CHD9: variants seen among roughly 807,000 people sequenced by gnomAD.
CHD9 encodes the protein ATP-dependent chromatin remodeler CHD9.
Under a neutral mutation model 316.1 loss-of-function variants are expected in CHD9, and 77 were observed. The ratio of observed to expected loss-of-function variants is 0.24; its 90% CI spans 0.20 to 0.29. The LOEUF (loss-of-function observed/expected upper bound fraction) is 0.29. CHD9 is among the 10% of genes least tolerant of loss of function. The probability of loss-of-function intolerance (pLI) is 1.00; values close to 1 mark genes in which losing one functional copy is unlikely to be tolerated. For synonymous variants in CHD9, 1,129 were observed against 1,158.3 expected (o/e 0.97, Z 0.51); for missense variants, 2,763 against 3,438.1 (o/e 0.80, Z 4.91).
At position 53,303,624 on chromosome 16, in the gene CHD9, G is replaced by T. The variant is rs963591951; in HGVS notation, c.5714-96G>T. On this transcript the variant is annotated intron_variant, in intron 30 of 38. Transcript: ENST00000447540. ...TGCATGGAGGCACATTTTAGAAATG[G>T]TATTGTTATAAATATATAAAGATGT... The T allele has an allele frequency of 7.9e-6, 7 of 881,968 alleles. No homozygotes were observed. In the African/African-American group the frequency reaches 1.2e-4, roughly 15 times the overall value. The allele number at this position is 881,968 out of a possible 1,614,324, so 54.6% of individuals were successfully genotyped here. A position where few individuals can be genotyped will look rare whatever the true frequency, so the allele number is the denominator to read the frequency against.
intron 1 of CHD9, among the ~76,000 whole-genome samples, chr16:53,146,403 TTG>T (rs199551017): frequency 2.2e-4 from 7 of 31,618 alleles, no homozygotes; most frequent in African/African-American, 1.0e-3. Flanking sequence ...AAAAAAAAAA[TTG>T]TGTGTGTGTG....
At chr16:53,300,923 A>C (rs2055335639) in intron 30 of CHD9, among the ~76,000 whole-genome samples, 1 of 152,194 alleles carries the variant, frequency 6.6e-6, no homozygotes, top group African/African-American at 2.4e-5. Flanking sequence ...AAATACAAAA[A>C]TTAGCCAGGC....
intron 1 of CHD9, among the ~76,000 whole-genome samples, chr16:53,132,625 C>T (rs768200944): frequency 2.6e-5 from 4 of 152,042 alleles, no homozygotes; most frequent in African/African-American, 9.7e-5. Context: ...TGTTTCTTTT[C>T]CCTTGGGTTT....
intron 12 of CHD9, among the ~76,000 whole-genome samples, chr16:53,239,167 A>G (rs1457288366): frequency 6.6e-6 from 1 of 152,138 alleles, no homozygotes; most frequent in African/African-American, 2.4e-5. Context: ...TGTATTTTAG[A>G]GGAGCATTTT....
chr16:53,152,051 A>G (rs1214674593), intron 1 of CHD9, among the ~76,000 whole-genome samples: 1 of 152,080 alleles, frequency 6.6e-6, no homozygotes, highest in African/African-American at 2.4e-5. Flanking sequence ...TGAGAAAACC[A>G]GACCATTTGA....
At chr16:53,231,049 A>G (rs2048129330) in intron 8 of CHD9, among the ~76,000 whole-genome samples, 1 of 152,196 alleles carries the variant, frequency 6.6e-6, no homozygotes, top group Non-Finnish European at 1.5e-5. Context: ...GAGCACAAGA[A>G]CCATCAGGTA....
intron 17 of CHD9, chr16:53,250,372 C>T: frequency 4.1e-6 from 1 of 245,342 alleles, no homozygotes; most frequent in Non-Finnish European, 7.9e-6. Context: ...CACTATGTTG[C>T]CCAGGCTGGT....
intron 1 of CHD9, among the ~76,000 whole-genome samples, chr16:53,133,401 GTCCAGCCTGGGCAACT>G (rs528434745): frequency 1.3e-5 from 2 of 152,160 alleles, no homozygotes; most frequent in South Asian, 4.2e-4. Flanking sequence ...AAGAGTTCAA[GTCCAGCCTGGGCAACT>G]TATTAAGACT....
At chr16:53,291,618 T>C (rs567820299) in intron 27 of CHD9, 107 bp from the exon 28 acceptor site, 37 of 684,792 alleles carry the variant, frequency 5.4e-5, no homozygotes, top group South Asian at 2.8e-4. Flanking sequence ...TAACATTCCA[T>C]TGGGGGAGAA....
chr16:53,106,013 G>A (rs1390061373), intron 1 of CHD9, among the ~76,000 whole-genome samples: 1 of 151,956 alleles, frequency 6.6e-6, no homozygotes, highest in African/African-American at 2.4e-5. Context: ...TAGTAGAGAT[G>A]GGGTTTCACC....
intron 2 of CHD9, among the ~76,000 whole-genome samples, chr16:53,195,744 CAG>C (rs1235844864): frequency 6.8e-6 from 1 of 146,958 alleles, no homozygotes; most frequent in Non-Finnish European, 1.5e-5. Context: ...AGAAATAAAA[CAG>C]AGAGATTCAA....
chr16:53,142,898 A>G (rs2040232263), intron 1 of CHD9, among the ~76,000 whole-genome samples: 1 of 152,244 alleles, frequency 6.6e-6, no homozygotes, highest in Non-Finnish European at 1.5e-5. Context: ...TGCATCTGGT[A>G]TAAGATGGCT....
intron 37 of CHD9, chr16:53,321,086 C>G: frequency 6.3e-6 from 3 of 479,928 alleles, no homozygotes; most frequent in South Asian, 5.0e-5. Context: ...AGGCATTATG[C>G]TAAGGTACTT....
chr16:53,325,879 G>A lies in CHD9; in HGVS notation c.*984G>A, dbSNP rs2057523745. 1 of 151,298 alleles carries A rather than the reference G, an allele frequency of 6.6e-6. No individual in the cohort carries two copies. Among genetic ancestry groups the A allele is most frequent in the Admixed American group, 6.6e-5 (1 of 15,152 alleles). The allele number at this position is 151,298 out of a possible 1,614,324, so 9.4% of individuals were successfully genotyped here. ...ATTTCTATTTGTGTTTTATGTCATG[G>A]AAATATTCCAGAATTAACAGATAAT... On this transcript the variant is annotated 3_prime_UTR_variant, in exon 39 of 39. Coordinates refer to ENST00000447540, the MANE Select transcript of CHD9 (RefSeq NM_001308319.2).
chr16:53,139,026 G>A (rs909535545), intron 1 of CHD9, among the ~76,000 whole-genome samples: 2 of 152,114 alleles, frequency 1.3e-5, no homozygotes, highest in Non-Finnish European at 2.9e-5. Context: ...CTTTTTGAAA[G>A]GCTAGATGGA....
In CHD9 at chr16:53,245,274, G is replaced by A. The variant is rs923058145; in HGVS notation, c.3055-62G>A. ...GCATATTGATCATTCGATAATCTAA[G>A]TCAGCTTTCATATAATTTTAGTACT... On this transcript the variant is annotated intron_variant, in intron 13 of 38. Transcript: ENST00000447540. This position sits in a 1 kb window ranked among gnomAD's most constrained non-coding sequence, Gnocchi z 4.1. The A allele has an allele frequency of 1.6e-6, 2 of 1,288,798 alleles. No individual in the cohort carries two copies. Among genetic ancestry groups the A allele is most frequent in the African/African-American group, 1.5e-5 (1 of 65,742 alleles). The allele number at this position is 1,288,798 out of a possible 1,614,324, so 79.8% of individuals were successfully genotyped here.
chr16:53,317,928 A>T (rs1472707267), intron 36 of CHD9, among the ~76,000 whole-genome samples: 2 of 151,942 alleles, frequency 1.3e-5, no homozygotes, highest in African/African-American at 4.8e-5. Context: ...ATGGTAGCAC[A>T]CACCTGTAGT....
chr16:53,246,896 A>G (rs967616822), intron 15 of CHD9, among the ~76,000 whole-genome samples: 1 of 152,216 alleles, frequency 6.6e-6, no homozygotes, highest in Non-Finnish European at 1.5e-5. Flanking sequence ...AACTATGATC[A>G]TCCTTCAGTG....
At chr16:53,190,072 A>G (rs1219756828) in intron 2 of CHD9, among the ~76,000 whole-genome samples, 5 of 152,120 alleles carry the variant, frequency 3.3e-5, no homozygotes. Context: ...GAACAGAACC[A>G]ACAAACTTCT....
Sources: gnomAD v4.1 joint callset for allele counts (sites outside exome capture counted in the v4.1 genomes callset) on GRCh38, gnomAD v4.1.1 for gene constraint, Gnocchi (gnomAD v3.1) non-coding constraint, MANE v1.5 for transcripts, NCBI Gene and HGNC (gene_info 2026-07-23, HGNC 2026-07-21) for gene names.